The following FAF2 variants were observed in gnomAD, a reference collection of about 807,000 sequenced individuals.
FAF2 encodes FAS-associated factor 2.
A neutral mutation model predicts 62.3 loss-of-function variants in FAF2; 9 were observed. The observed-to-expected ratio is 0.14, with a 90% confidence interval of 0.09 to 0.25. FAF2 has a LOEUF of 0.25. FAF2 is among the 10% of genes least tolerant of loss of function. The pLI is 1.00. For missense variants in FAF2, 368 were observed against 556.2 expected (o/e 0.66, Z 3.40); for synonymous variants, 202 against 198.0 (o/e 1.02, Z -0.17).
At chr5:176,462,981 C>G (rs1758404636) in intron 1 of FAF2, among the ~76,000 whole-genome samples, 1 of 152,120 alleles carries the variant, frequency 6.6e-6, no homozygotes, top group South Asian at 2.1e-4. Flanking sequence ...AACGTTTCTG[C>G]TTGAATCTGA....
intron 1 of FAF2, among the ~76,000 whole-genome samples, chr5:176,466,465 A>G (rs1200696574): frequency 6.6e-6 from 1 of 152,254 alleles, no homozygotes; most frequent in African/African-American, 2.4e-5. Flanking sequence ...AACCCCGTGC[A>G]GCGTTTGTTA....
chr5:176,506,203 AAAAC>A (rs1274968598), intron 10 of FAF2, among the ~76,000 whole-genome samples: 2 of 144,254 alleles, frequency 1.4e-5, no homozygotes, highest in African/African-American at 2.5e-5. Flanking sequence ...AAAAAAAAAA[AAAAC>A]AAAAAAAAAA....
At position 176,458,404 on chromosome 5, in the gene FAF2, C is replaced by CT. The variant is rs1187899910; in HGVS notation, c.63+9936dup. 1.4e-3 allele frequency among the ~76,000 whole-genome samples: 41 copies of CT among 29,274 alleles called. 2 individuals carry two copies. Among genetic ancestry groups the CT allele is most frequent in the African/African-American group, 6.1e-3 (40 of 6,572 alleles). The allele number at this position is 29,274 out of a possible 152,430, so 19.2% of individuals were successfully genotyped here. ...GCCTCAGAATAATATTTTTCTTTTT[C>CT]TTCCTTTTTTTTTTTTTTTTTTTGA... On this transcript the variant is annotated intron_variant, in intron 1 of 10. Transcript: ENST00000261942.
intron 1 of FAF2, among the ~76,000 whole-genome samples, chr5:176,471,820 G>A (rs1387688210): frequency 6.6e-6 from 1 of 150,654 alleles, no homozygotes; most frequent in Non-Finnish European, 1.5e-5. Flanking sequence ...TTCCCCAGTA[G>A]CTGGGATTAC....
At chr5:176,501,033 A>G (rs1027917569) in intron 10 of FAF2, among the ~76,000 whole-genome samples, 1 of 152,132 alleles carries the variant, frequency 6.6e-6, no homozygotes, top group Non-Finnish European at 1.5e-5. Context: ...AGGCTGAGGC[A>G]GGAGAATCAC....
chr5:176,452,472 A>G (rs1561813959), intron 1 of FAF2, among the ~76,000 whole-genome samples: 1 of 152,184 alleles, frequency 6.6e-6, no homozygotes, highest in Non-Finnish European at 1.5e-5. Flanking sequence ...TGCATAATGA[A>G]GCAGATCTAT....
intron 3 of FAF2, among the ~76,000 whole-genome samples, chr5:176,487,194 G>T (rs986298493): frequency 6.6e-6 from 1 of 152,052 alleles, no homozygotes. Flanking sequence ...GTTGTGTTTT[G>T]TTCTGTTTGA....
chr5:176,504,097 A>G (rs1036067712), intron 10 of FAF2, among the ~76,000 whole-genome samples: 1 of 151,634 alleles, frequency 6.6e-6, no homozygotes, highest in African/African-American at 2.4e-5. Context: ...ACAGAGTGAG[A>G]CTCCATCTCA....
chr5:176,505,106 A>G (rs2113749993), intron 10 of FAF2, among the ~76,000 whole-genome samples: 1 of 152,328 alleles, frequency 6.6e-6, no homozygotes, highest in South Asian at 2.1e-4. Context: ...TAAAACCCAG[A>G]GAATTCATCA....
Position 176,508,840 on chromosome 5 carries a change from T to G in FAF2, c.*1890T>G, listed in dbSNP as rs1192286502. 1.3e-5 allele frequency: 2 copies of G among 152,216 alleles called. No individual in the cohort carries two copies. The allele number at this position is 152,216 out of a possible 1,614,324, so 9.4% of individuals were successfully genotyped here. A position where few individuals can be genotyped will look rare whatever the true frequency, so the allele number is the denominator to read the frequency against. On this transcript the variant is annotated 3_prime_UTR_variant, in exon 11 of 11. Transcript: ENST00000261942. ...AACCATGCAGAGGAATTTTTCCACT[T>G]AAGTCAGAGCCTTCCTCCCCATCTG... is the stretch of plus-strand genomic sequence containing the variant.
chr5:176,474,400 C>G (rs1283277632), intron 1 of FAF2, among the ~76,000 whole-genome samples: 1 of 152,138 alleles, frequency 6.6e-6, no homozygotes, highest in African/African-American at 2.4e-5. Context: ...AAGTGTAGTT[C>G]CTGTTGCCTT....
intron 1 of FAF2, among the ~76,000 whole-genome samples, chr5:176,478,384 C>T (rs1024615603): frequency 1.3e-5 from 2 of 151,870 alleles, no homozygotes; most frequent in South Asian, 2.1e-4. Flanking sequence ...GAGGCTGAGG[C>T]GGGAGGATCG....
At chr5:176,490,464 A>G (rs1215067546) in intron 4 of FAF2, among the ~76,000 whole-genome samples, 1 of 152,164 alleles carries the variant, frequency 6.6e-6, no homozygotes, top group East Asian at 1.9e-4. Flanking sequence ...TGGGATATGT[A>G]GTCTGGGCCT....
chr5:176,502,303 A>G (rs1407746541), intron 10 of FAF2, among the ~76,000 whole-genome samples: 1 of 152,162 alleles, frequency 6.6e-6, no homozygotes, highest in African/African-American at 2.4e-5. Context: ...AACCTAGGCC[A>G]GGCGTTGTGG....
Position 176,480,899 on chromosome 5 carries a change from T to C in FAF2, c.132+1643T>C, listed in dbSNP as rs1033904983. 3.3e-5 allele frequency among the ~76,000 whole-genome samples: 5 copies of C among 152,100 alleles called. No individual in the cohort carries two copies. In the East Asian group the frequency reaches 5.8e-4, roughly 18 times the overall value. ...GTGCAGCAAACCACCATGGCATGTG[T>C]ATACCTATGTAACAAACCTGCACAT... is the stretch of plus-strand genomic sequence containing the variant. On this transcript the variant is annotated intron_variant, in intron 2 of 10. Transcript: ENST00000261942.
chr5:176,458,282 A>G (rs1758311880), intron 1 of FAF2, among the ~76,000 whole-genome samples: 1 of 151,140 alleles, frequency 6.6e-6, no homozygotes, highest in Admixed American at 6.6e-5. Flanking sequence ...GGGTTTCGCC[A>G]TGTTGGCCAG....
chr5:176,471,684 CTTTT>C (rs70991555), intron 1 of FAF2, among the ~76,000 whole-genome samples: 5 of 122,606 alleles, frequency 4.1e-5, no homozygotes, highest in Admixed American at 8.4e-5. Flanking sequence ...CGCCCGGCCT[CTTTT>C]TTTTTTTTTT....
chr5:176,481,667 AG>A (rs1251282495), intron 2 of FAF2, among the ~76,000 whole-genome samples: 1 of 151,216 alleles, frequency 6.6e-6, no homozygotes, highest in African/African-American at 2.4e-5. Flanking sequence ...AAAAAAAAAA[AG>A]GGAGAGAGAG....
rs921845026 is a variant in FAF2, at chr5:176,496,486, T to C, written c.662T>C (p.Val221Ala). 2 of 1,583,216 alleles carry C rather than the reference T, an allele frequency of 1.3e-6. No homozygotes were observed. The highest frequency in any genetic ancestry group is 2.7e-5 in the African/African-American group (2 of 73,506). ...CSTNKPEGYRVSQALRENTYP... is the reference protein window; with the variant it reads ...CSTNKPEGYRASQALRENTYP... ...TTGATCTGTTGGGTCTTTTTATCAG[T>C]CTCACAGGCTTTACGAGAGAACACC... The change falls in exon 8 of 11, where the codon GTC becomes GCC. Residue 221 changes from valine to alanine, a missense_variant and splice_region_variant. Val to Ala is a moderately conservative substitution (Grantham distance 64, BLOSUM62 0). Coordinates refer to ENST00000261942, the MANE Select transcript of FAF2 (RefSeq NM_014613.3).
Sources: gnomAD v4.1 joint callset for allele counts (sites outside exome capture counted in the v4.1 genomes callset) on GRCh38, gnomAD v4.1.1 for gene constraint, MANE v1.5 for transcripts, NCBI Gene and HGNC (gene_info 2026-07-23, HGNC 2026-07-21) for gene names.